TMEM168: variants seen among roughly 807,000 people sequenced by gnomAD.
TMEM168 encodes transmembrane protein 168.
Under a neutral mutation model 53.2 loss-of-function variants are expected in TMEM168, and 40 were observed. The ratio of observed to expected loss-of-function variants is 0.75; its 90% CI spans 0.58 to 0.98. TMEM168 has a LOEUF of 0.98. Among genes scored for constraint, TMEM168 ranks in the 50% least tolerant of loss-of-function variants. The probability of loss-of-function intolerance (pLI) is 0.00; values close to 1 mark genes in which losing one functional copy is unlikely to be tolerated. For synonymous variants in TMEM168, 282 were observed against 293.0 expected (o/e 0.96, Z 0.38); for missense variants, 771 against 828.8 (o/e 0.93, Z 0.86).
chr7:112,781,180 G>C (rs191184268), intron 2 of TMEM168, among the ~76,000 whole-genome samples: 1 of 149,434 alleles, frequency 6.7e-6, no homozygotes, highest in African/African-American at 2.5e-5. Context: ...AACTATAATA[G>C]AGATTTTCAT....
chr7:112,772,983 G>A lies in TMEM168; in HGVS notation c.1344C>T (p.Leu448=), dbSNP rs1217811031. 1 of 1,614,024 alleles carries A rather than the reference G, an allele frequency of 6.2e-7. No individual in the cohort carries two copies. ...QELNLRSTGM[L]NAIQRFFAYH... ...ATGCAAAAAATCTTTGGATAGCATT[G>A]AGCATGCCAGTAGACCTCAAATTTA... Residue 448 remains leucine, a synonymous_variant, in exon 4 of 5, where the codon CTC becomes CTT. Coordinates refer to ENST00000312814, the MANE Select transcript of TMEM168 (RefSeq NM_022484.6).
intron 1 of TMEM168, among the ~76,000 whole-genome samples, chr7:112,786,660 A>G (rs1046830719): frequency 1.3e-5 from 2 of 152,094 alleles, no homozygotes; most frequent in African/African-American, 4.8e-5. Flanking sequence ...ACGTTAGAAT[A>G]TATATCCTCA....
chr7:112,780,064 A>G (rs1793188025), intron 2 of TMEM168, among the ~76,000 whole-genome samples: 1 of 152,222 alleles, frequency 6.6e-6, no homozygotes, highest in Non-Finnish European at 1.5e-5. Flanking sequence ...AACATTATGA[A>G]GGCTACTGTA....
intron 2 of TMEM168, among the ~76,000 whole-genome samples, chr7:112,777,520 G>A (rs979261540): frequency 1.3e-5 from 2 of 151,836 alleles, no homozygotes; most frequent in African/African-American, 4.8e-5. Context: ...TAAAATATGA[G>A]ATCTTCTTAC....
intron 4 of TMEM168, among the ~76,000 whole-genome samples, chr7:112,770,772 G>A (rs924552698): frequency 6.6e-6 from 1 of 152,052 alleles, no homozygotes; most frequent in African/African-American, 2.4e-5. Context: ...TTTGAAAAGT[G>A]TTTCTATTAA....
chr7:112,785,862 T>C (rs984289552), intron 1 of TMEM168, among the ~76,000 whole-genome samples: 1 of 152,212 alleles, frequency 6.6e-6, no homozygotes, highest in Non-Finnish European at 1.5e-5. Flanking sequence ...TCAAAAGAAC[T>C]GATCAATGGT....
rs1212190869 is a variant in TMEM168, at chr7:112,790,330, C to A, written c.-299G>T. 6.6e-6 allele frequency: 1 copy of A among 152,320 alleles called. No homozygotes were observed. The highest frequency in any genetic ancestry group is 2.4e-5 in the African/African-American group (1 of 41,482). The allele number at this position is 152,320 out of a possible 1,614,324, so 9.4% of individuals were successfully genotyped here. A position where few individuals can be genotyped will look rare whatever the true frequency, so the allele number is the denominator to read the frequency against. ...CATACGCGCTAATACAGGCCAGTGT[C>A]GGCGTAAACTTTCTCCGTTACCGGC... On this transcript the variant is annotated 5_prime_UTR_variant, in exon 1 of 5. Coordinates refer to ENST00000312814, the MANE Select transcript of TMEM168 (RefSeq NM_022484.6).
intron 4 of TMEM168, among the ~76,000 whole-genome samples, chr7:112,770,092 C>T (rs1181596272): frequency 1.3e-5 from 2 of 152,198 alleles, no homozygotes; most frequent in African/African-American, 4.8e-5. Flanking sequence ...GAGCTTAAAG[C>T]TCTTTGTCAC....
chr7:112,778,666 A>G (rs1793153936), intron 2 of TMEM168: 1 of 152,218 alleles, frequency 6.6e-6, no homozygotes, highest in Non-Finnish European at 1.5e-5. Context: ...TTGTCAATCA[A>G]TTTGTAGATG....
rs1487726281 is a variant in TMEM168, at chr7:112,784,088, A to G, written c.738T>C (p.Leu246=). The change falls in exon 2 of 5, where the codon CTT becomes CTC. Residue 246 remains leucine (L), a synonymous_variant. Transcript: ENST00000312814. Reference sequence around the variant, plus strand: ...AGGGTTTCCATCTTTCAGTTACTGAAAGTCCACTAAAATAAATGTCAAGGA... The same window carrying G: ...AGGGTTTCCATCTTTCAGTTACTGAGAGTCCACTAAAATAAATGTCAAGGA... The part of the protein sequence containing the change: ...DPFLDIYFSG[L]SVTERWKPFL... The G allele has an allele frequency of 3.1e-6, 5 of 1,613,110 alleles. No individual in the cohort carries two copies. Among genetic ancestry groups the G allele is most frequent in the Middle Eastern group, 1.7e-4 (1 of 6,058 alleles).
In TMEM168 at chr7:112,763,909, T is replaced by C. The variant is rs1044010303; in HGVS notation, c.*3288A>G. 16 of 152,140 alleles carry C rather than the reference T, an allele frequency of 1.1e-4. No individual in the cohort carries two copies. Among genetic ancestry groups the C allele is most frequent in the African/African-American group, 3.9e-4 (16 of 41,466 alleles). The allele number at this position is 152,140 out of a possible 1,614,324, so 9.4% of individuals were successfully genotyped here. ...GAATAATCCTCTGAAATGCATCTTT[T>C]CCAAAGAATTTTGAATTTATTAAGA... On this transcript the variant is annotated 3_prime_UTR_variant, in exon 5 of 5. Transcript: ENST00000312814.
rs184128444 is a variant in TMEM168, at chr7:112,767,317, G to A, written c.1974C>T (p.Cys658=). 3.6e-5 allele frequency: 58 copies of A among 1,614,070 alleles called. No homozygotes were observed. Among genetic ancestry groups the A allele is most frequent in the South Asian group, 7.7e-5 (7 of 91,090 alleles). ...TGCAGATCCAAAAAAGGTTCAGACC[G>A]CATAACCAATTTGCCAAATGCACTA... is the stretch of plus-strand genomic sequence containing the variant. ...YPLVHLANWL[C]GLNLFWICKT... The change falls in exon 5 of 5, where the codon TGC becomes TGT. Residue 658 remains cysteine, a synonymous_variant. Transcript: ENST00000312814.
intron 1 of TMEM168, among the ~76,000 whole-genome samples, chr7:112,787,155 GAAACA>G (rs1000947090): frequency 3.3e-5 from 5 of 152,034 alleles, no homozygotes; most frequent in Non-Finnish European, 2.9e-5. Context: ...AAAAAGTAAA[GAAACA>G]AAACAAAAAC....
At chr7:112,774,644 T>C (rs1215193868) in intron 3 of TMEM168, among the ~76,000 whole-genome samples, 1 of 151,496 alleles carries the variant, frequency 6.6e-6, no homozygotes, top group African/African-American at 2.4e-5. Flanking sequence ...GCAATGGCCC[T>C]ATCTCAGCTC....
At chr7:112,772,717 AG>A in intron 4 of TMEM168, 63 bp downstream of exon 4, 1 of 1,527,212 alleles carries the variant, frequency 6.5e-7, no homozygotes, top group South Asian at 1.2e-5. Flanking sequence ...CTGTGTGTGA[AG>A]TACAGATTTC....
At chr7:112,789,685 C>T (rs188577504) in intron 1 of TMEM168, among the ~76,000 whole-genome samples, 335 of 152,352 alleles carry the variant, frequency 2.2e-3, no homozygotes, top group Non-Finnish European at 3.8e-3. Flanking sequence ...CTCAGAAACT[C>T]TGTCCCATCT....
intron 1 of TMEM168, among the ~76,000 whole-genome samples, chr7:112,787,181 C>T (rs1793405239): frequency 6.6e-6 from 1 of 152,212 alleles, no homozygotes; most frequent in Non-Finnish European, 1.5e-5. Flanking sequence ...AATCCTTGCT[C>T]ATCCCCATAT....
chr7:112,771,142 A>G (rs1283637889), intron 4 of TMEM168, among the ~76,000 whole-genome samples: 1 of 152,200 alleles, frequency 6.6e-6, no homozygotes, highest in East Asian at 1.9e-4. Context: ...TTTATAAACT[A>G]TATTCAATTA....
chr7:112,780,943 C>CAA (rs1222902089), intron 2 of TMEM168, among the ~76,000 whole-genome samples: 5,327 of 59,858 alleles, frequency 0.089, 339 homozygotes, highest in African/African-American at 0.13. Context: ...TGATCCGTAT[C>CAA]AAAAAAAAAA....
Sources: allele counts gnomAD v4.1 joint callset (sites outside exome capture counted in the v4.1 genomes callset), GRCh38; gene constraint gnomAD v4.1.1; transcripts MANE v1.5; gene names NCBI Gene and HGNC (gene_info 2026-07-23, HGNC 2026-07-21).